ARV1: variants seen among roughly 807,000 people sequenced by gnomAD.
The protein encoded by ARV1 is ARV1 fatty acid homeostasis modulator, also known as protein ARV1.
ARV1 carries 26 observed loss-of-function variants against 31.1 expected under a neutral mutation model. The observed-to-expected ratio is 0.84, with a 90% CI of 0.61 to 1.16. ARV1 has a LOEUF of 1.16. ARV1 is among the 50% of genes most tolerant of loss of function. ARV1 has a pLI of 0.00. For synonymous variants in ARV1, 117 were observed against 123.2 expected (o/e 0.95, Z 0.34); for missense variants, 281 against 324.9 (o/e 0.86, Z 1.04).
intron 1 of ARV1, among the ~76,000 whole-genome samples, chr1:230,987,751 G>A (rs1316200451): frequency 6.6e-6 from 1 of 152,164 alleles, no homozygotes. Context: ...TGTTACTGGA[G>A]AAAAACCCAG....
chr1:230,986,666 C>CTTT (rs1558242688), intron 1 of ARV1, among the ~76,000 whole-genome samples: 3 of 79,686 alleles, frequency 3.8e-5, no homozygotes, highest in South Asian at 4.9e-4. Context: ...AATACTTTTC[C>CTTT]TATTTTTTTT....
chr1:230,980,459 C>T (rs1678847114), intron 1 of ARV1, among the ~76,000 whole-genome samples: 1 of 152,096 alleles, frequency 6.6e-6, no homozygotes, highest in African/African-American at 2.4e-5. Flanking sequence ...GCCTCAGCCT[C>T]CCAAGTAGCT....
At position 230,995,917 on chromosome 1, in the gene ARV1, C is replaced by T; in HGVS notation, c.606C>T (p.Asp202=). 1 of 1,614,110 alleles carries T rather than the reference C, an allele frequency of 6.2e-7. No homozygotes were observed. Among genetic ancestry groups the T allele is most frequent in the Non-Finnish European group, 8.5e-7 (1 of 1,180,006 alleles). Residue 202 remains aspartate, a synonymous_variant, in exon 4 of 6, where the codon GAC becomes GAT. Coordinates refer to ENST00000310256, the MANE Select transcript of ARV1 (RefSeq NM_022786.3). ...LLIPAVIWEH[D]YTSVCLKLIK... is the part of the protein sequence containing the mutation. Reference sequence around the variant, plus strand: ...TTCCAGCTGTCATTTGGGAACATGACTACACATCTGTGTGCCTCAAACTCA... The same window carrying T: ...TTCCAGCTGTCATTTGGGAACATGATTACACATCTGTGTGCCTCAAACTCA...
intron 1 of ARV1, among the ~76,000 whole-genome samples, chr1:230,987,685 A>G (rs536836908): frequency 2.0e-5 from 3 of 152,332 alleles, no homozygotes; most frequent in Admixed American, 6.5e-5. Flanking sequence ...CTGTACAGAC[A>G]GTAGAGTCTG....
chr1:230,993,083 A>T (rs1043402295), intron 3 of ARV1, among the ~76,000 whole-genome samples: 39 of 152,058 alleles, frequency 2.6e-4, no homozygotes, highest in African/African-American at 9.4e-4. Flanking sequence ...CCTCTTAAAA[A>T]TTTTTTTTAA....
At chr1:230,979,327 G>A (rs1678752280) in intron 1 of ARV1, 48 bp downstream of exon 1, 1 of 1,604,784 alleles carries the variant, frequency 6.2e-7, no homozygotes, top group Non-Finnish European at 8.5e-7. Flanking sequence ...TGGCGCGGCG[G>A]GATTTGGGGA....
intron 3 of ARV1, among the ~76,000 whole-genome samples, chr1:230,992,199 C>A (rs1679247718): frequency 6.6e-6 from 1 of 152,186 alleles, no homozygotes; most frequent in African/African-American, 2.4e-5. Flanking sequence ...TCTGCCCCTC[C>A]CACTGCGTCT....
At chr1:230,986,381 G>T (rs1179038211) in intron 1 of ARV1, among the ~76,000 whole-genome samples, 1 of 151,974 alleles carries the variant, frequency 6.6e-6, no homozygotes, top group African/African-American at 2.4e-5. Flanking sequence ...TGAATTGCAG[G>T]GTCGGTATTC....
At chr1:230,985,428 G>A (rs940888010) in intron 1 of ARV1, among the ~76,000 whole-genome samples, 2 of 152,174 alleles carry the variant, frequency 1.3e-5, no homozygotes, top group Non-Finnish European at 2.9e-5. Flanking sequence ...TGTGGCTGAA[G>A]GTGAATATCT....
chr1:230,979,481 T>A, intron 1 of ARV1: 2 of 591,244 alleles, frequency 3.4e-6, no homozygotes, highest in South Asian at 2.4e-5. Context: ...TTGGGTGATA[T>A]GACCTAAGCC....
intron 4 of ARV1, among the ~76,000 whole-genome samples, chr1:230,996,401 C>A (rs1457216328): frequency 2.6e-5 from 4 of 151,982 alleles, no homozygotes; most frequent in Non-Finnish European, 5.9e-5. Flanking sequence ...CCCTGTGTGT[C>A]TTCATTTTTC....
intron 5 of ARV1, among the ~76,000 whole-genome samples, chr1:230,998,715 G>A (rs1679440760): frequency 6.6e-6 from 1 of 151,596 alleles, no homozygotes; most frequent in Admixed American, 6.6e-5. Flanking sequence ...AGACCAGCCT[G>A]GGCAACATAG....
Position 230,979,234 on chromosome 1 carries a change from G to A in ARV1, c.129G>A (p.Glu43=), listed in dbSNP as rs143319181. The change falls in exon 1 of 6, where the codon GAG becomes GAA. Residue 43 remains glutamate (E), a synonymous_variant. Transcript: ENST00000310256. The stretch of plus-strand genomic sequence containing the variant: ...TCGAATGCAACCAGGAGGCCAAAGA[G>A]TTGTACCGAGACTATAACCACGGTG... ...RCIECNQEAK[E]LYRDYNHGVL... 6.2e-6 allele frequency: 10 copies of A among 1,613,534 alleles called. No individual in the cohort carries two copies. The highest frequency in any genetic ancestry group is 5.0e-5 in the Admixed American group (3 of 59,946).
chr1:230,982,550 C>T (rs576255392), intron 1 of ARV1, among the ~76,000 whole-genome samples: 1 of 152,308 alleles, frequency 6.6e-6, no homozygotes, highest in South Asian at 2.1e-4. Flanking sequence ...ACATGATACT[C>T]TTTCTCCCAA....
chr1:230,980,250 A>G (rs1308526037), intron 1 of ARV1, among the ~76,000 whole-genome samples: 1 of 152,150 alleles, frequency 6.6e-6, no homozygotes, highest in Non-Finnish European at 1.5e-5. Context: ...ATGCAGCAGT[A>G]CGTTGCTGGG....
chr1:230,996,126 G>A, intron 4 of ARV1, 142 bp downstream of exon 4: 1 of 652,092 alleles, frequency 1.5e-6, no homozygotes, highest in Non-Finnish European at 2.6e-6. Flanking sequence ...CACTTCTATA[G>A]CACCTTATAC....
intron 3 of ARV1, among the ~76,000 whole-genome samples, chr1:230,992,376 A>G (rs1679252958): frequency 6.6e-6 from 1 of 152,032 alleles, no homozygotes; most frequent in Non-Finnish European, 1.5e-5. Context: ...ACTCCTGCAT[A>G]CCCCTCAAGA....
intron 1 of ARV1, among the ~76,000 whole-genome samples, chr1:230,987,069 C>T (rs1457618716): frequency 2.6e-5 from 4 of 152,102 alleles, no homozygotes; most frequent in Non-Finnish European, 5.9e-5. Context: ...AAATTGCCAG[C>T]ATCACTACTC....
intron 5 of ARV1, 85 bp from the exon 6 acceptor site, chr1:231,000,053 C>T (rs1267841591): frequency 6.6e-6 from 1 of 152,194 alleles, no homozygotes; most frequent in African/African-American, 2.4e-5. Flanking sequence ...TTTGTATCCA[C>T]CTTAACTCAG....
Sources: allele counts gnomAD v4.1 joint callset (sites outside exome capture counted in the v4.1 genomes callset), GRCh38; gene constraint gnomAD v4.1.1; transcripts MANE v1.5; gene names NCBI Gene and HGNC (gene_info 2026-07-23, HGNC 2026-07-21).